Variants in INTS8 observed in about 807,000 individuals in gnomAD.
INTS8 encodes protein kaonashi-1.
INTS8 carries 47 observed loss-of-function variants against 138.9 expected under a neutral mutation model. That is an observed-to-expected ratio of 0.34 (90% confidence interval 0.27 to 0.43). The LOEUF is 0.43. INTS8 is among the 20% of genes least tolerant of loss of function. The probability of loss-of-function intolerance (pLI) is 1.00; values close to 1 mark genes in which losing one functional copy is unlikely to be tolerated. For synonymous variants in INTS8, 392 were observed against 400.9 expected (o/e 0.98, Z 0.27); for missense variants, 996 against 1,173.0 (o/e 0.85, Z 2.20).
At chr8:94,841,893 C>T (rs1412241912) in intron 9 of INTS8, among the ~76,000 whole-genome samples, 1 of 151,930 alleles carries the variant, frequency 6.6e-6, no homozygotes, top group Non-Finnish European at 1.5e-5. Flanking sequence ...CATGGTGAAA[C>T]CCCGTCTCTA....
chr8:94,873,168 C>T (rs911219452), intron 21 of INTS8, among the ~76,000 whole-genome samples: 2 of 152,158 alleles, frequency 1.3e-5, no homozygotes, highest in Non-Finnish European at 2.9e-5. Context: ...ATTTGTTTCT[C>T]GTTTGGACAT....
chr8:94,855,684 G>A (rs1815719766), intron 14 of INTS8, among the ~76,000 whole-genome samples: 1 of 152,190 alleles, frequency 6.6e-6, no homozygotes, highest in African/African-American at 2.4e-5. Context: ...GCTAGTAAGT[G>A]TCACAAGTGT....
intron 6 of INTS8, among the ~76,000 whole-genome samples, chr8:94,832,905 C>G (rs903637598): frequency 1.3e-5 from 2 of 152,136 alleles, no homozygotes; most frequent in Non-Finnish European, 2.9e-5. Context: ...CCGCCCGCCT[C>G]GGTCTCCCAA....
intron 21 of INTS8, among the ~76,000 whole-genome samples, chr8:94,872,729 C>T (rs923854841): frequency 2.0e-5 from 3 of 152,166 alleles, no homozygotes; most frequent in Non-Finnish European, 1.5e-5. Flanking sequence ...ACTTTCAATG[C>T]TTCTATTACT....
intron 10 of INTS8, among the ~76,000 whole-genome samples, chr8:94,844,162 C>A (rs1283549790): frequency 6.6e-6 from 1 of 152,082 alleles, no homozygotes; most frequent in African/African-American, 2.4e-5. Flanking sequence ...CCTCAGCCTC[C>A]TGAGTAGCTA....
chr8:94,830,773 C>T (rs1010733352), intron 5 of INTS8, among the ~76,000 whole-genome samples: 1 of 152,122 alleles, frequency 6.6e-6, no homozygotes, highest in Non-Finnish European at 1.5e-5. Context: ...GCTGGTATTA[C>T]ATATATGAGT....
At chr8:94,844,690 TTC>T (rs1221869820) in intron 10 of INTS8, among the ~76,000 whole-genome samples, 2 of 152,122 alleles carry the variant, frequency 1.3e-5, no homozygotes, top group Non-Finnish European at 2.9e-5. Context: ...TCTATATATA[TTC>T]TCTTTTTTAC....
chr8:94,839,254 T>A (rs895431859), intron 8 of INTS8, among the ~76,000 whole-genome samples: 2 of 152,198 alleles, frequency 1.3e-5, no homozygotes, highest in African/African-American at 4.8e-5. Flanking sequence ...TTGAGACTTT[T>A]ATTGTGCGCG....
intron 10 of INTS8, among the ~76,000 whole-genome samples, chr8:94,845,335 A>G (rs1382912520): frequency 1.3e-5 from 2 of 152,118 alleles, no homozygotes; most frequent in East Asian, 1.9e-4. Context: ...GGCCACCTCT[A>G]TTGTATGCCG....
intron 16 of INTS8, among the ~76,000 whole-genome samples, chr8:94,863,117 G>A (rs1292684963): frequency 6.6e-6 from 1 of 152,172 alleles, no homozygotes; most frequent in Non-Finnish European, 1.5e-5. Flanking sequence ...ATAATGGAAA[G>A]GGCACAGGTT....
chr8:94,868,692 A>C (rs190902088), intron 20 of INTS8: 39 of 150,646 alleles, frequency 2.6e-4, no homozygotes, highest in African/African-American at 9.5e-4. Flanking sequence ...TTTTTTTTAG[A>C]CATCACGTTG....
rs1814355469 is a variant in INTS8, at chr8:94,823,430, G to C, written c.-2G>C. 1 of 1,526,500 alleles carries C rather than the reference G, an allele frequency of 6.6e-7. No individual in the cohort carries two copies. Among genetic ancestry groups the C allele is most frequent in the Non-Finnish European group, 8.8e-7 (1 of 1,137,942 alleles). The allele number at this position is 1,526,500 out of a possible 1,614,324, so 94.6% of individuals were successfully genotyped here. A position where few individuals can be genotyped will look rare whatever the true frequency, so the allele number is the denominator to read the frequency against. On this transcript the variant is annotated 5_prime_UTR_variant, in exon 1 of 27. Transcript: ENST00000523731. ...CCTGGTGGTAGCGGCGGCGGGGGCA[G>C]GATGAGCGCGGAGGCGGCGGACCGG...
At chr8:94,826,083 C>A (rs1350968835) in intron 2 of INTS8, among the ~76,000 whole-genome samples, 1 of 152,098 alleles carries the variant, frequency 6.6e-6, no homozygotes, top group Non-Finnish European at 1.5e-5. Flanking sequence ...TATCTTTGCC[C>A]ATAAAATAAG....
chr8:94,826,384 C>A (rs1002635991), intron 2 of INTS8, among the ~76,000 whole-genome samples: 3 of 152,104 alleles, frequency 2.0e-5, no homozygotes, highest in African/African-American at 7.2e-5. Flanking sequence ...TGGGTTGACG[C>A]CATTCTCCTG....
chr8:94,876,572 A>T, intron 26 of INTS8, 83 bp downstream of exon 26: 1 of 820,116 alleles, frequency 1.2e-6, no homozygotes, highest in Non-Finnish European at 1.9e-6. Flanking sequence ...CAAAAAATAG[A>T]TTTTGTGTAC....
intron 17 of INTS8, among the ~76,000 whole-genome samples, chr8:94,865,905 A>T (rs1464920984): frequency 6.6e-6 from 1 of 152,210 alleles, no homozygotes; most frequent in African/African-American, 2.4e-5. Flanking sequence ...TGTCATTTTA[A>T]GAAACTATTA....
intron 7 of INTS8, among the ~76,000 whole-genome samples, chr8:94,838,061 T>G (rs1232298015): frequency 6.9e-6 from 1 of 144,422 alleles, no homozygotes; most frequent in Non-Finnish European, 1.5e-5. Context: ...TTTTTTTTTT[T>G]CCTGGGACGG....
chr8:94,852,635 C>T (rs905029937), intron 13 of INTS8, among the ~76,000 whole-genome samples: 4 of 151,818 alleles, frequency 2.6e-5, no homozygotes, highest in Non-Finnish European at 5.9e-5. Flanking sequence ...GTTGCCCAGG[C>T]TGGAGTGCAA....
At chr8:94,829,777 C>T (rs983683751) in intron 5 of INTS8, among the ~76,000 whole-genome samples, 1 of 152,130 alleles carries the variant, frequency 6.6e-6, no homozygotes, top group African/African-American at 2.4e-5. Context: ...TTTCGTGATA[C>T]ATTAGTAGAT....
Sources: allele counts gnomAD v4.1 joint callset (sites outside exome capture counted in the v4.1 genomes callset), GRCh38; gene constraint gnomAD v4.1.1; transcripts MANE v1.5; gene names NCBI Gene and HGNC (gene_info 2026-07-23, HGNC 2026-07-21).